ZNF248: variants seen among roughly 807,000 people sequenced by gnomAD.
ZNF248 encodes the protein KRAB protein domain.
Under a neutral mutation model 44.3 loss-of-function variants are expected in ZNF248, and 20 were observed. That is an observed-to-expected ratio of 0.45 (90% CI 0.32 to 0.66). The LOEUF (loss-of-function observed/expected upper bound fraction) is 0.66. Among genes scored for constraint, ZNF248 ranks in the 30% least tolerant of loss-of-function variants. The pLI is 0.04. For missense variants in ZNF248, 654 were observed against 677.0 expected (o/e 0.97, Z 0.38); for synonymous variants, 224 against 229.0 (o/e 0.98, Z 0.20).
In ZNF248 at chr10:37,830,190, CTTG is replaced by C. The variant is rs2133848903; in HGVS notation, c.*1422_*1424del. The C allele has an allele frequency of 2.0e-6, 2 of 985,362 alleles. No homozygotes were observed. Among genetic ancestry groups the C allele is most frequent in the Non-Finnish European group, 2.4e-6 (2 of 829,912 alleles). The allele number at this position is 985,362 out of a possible 1,614,324, so 61.0% of individuals were successfully genotyped here. A position where few individuals can be genotyped will look rare whatever the true frequency, so the allele number is the denominator to read the frequency against. Reference sequence around the variant, plus strand: ...CTTTTTGAGGAGTGCAGTGTTACTGCTTGTTAACCTTTGCATAATTTATGTAAA... The same window carrying C: ...CTTTTTGAGGAGTGCAGTGTTACTGCTTAACCTTTGCATAATTTATGTAAA... On this transcript the variant is annotated 3_prime_UTR_variant, in exon 6 of 6. Coordinates refer to ENST00000395867, the MANE Select transcript of ZNF248 (RefSeq NM_021045.3).
intron 6 of ZNF248, among the ~76,000 whole-genome samples, chr10:37,816,248 A>T (rs1377952935): frequency 6.6e-6 from 1 of 152,226 alleles, no homozygotes; most frequent in African/African-American, 2.4e-5. Context: ...GCAATGAGTT[A>T]CAATAGCCGC....
intron 6 of ZNF248, among the ~76,000 whole-genome samples, chr10:37,797,857 T>C (rs2049338437): frequency 6.6e-6 from 1 of 152,148 alleles, no homozygotes; most frequent in Admixed American, 6.5e-5. Context: ...ACATTGTTGA[T>C]TAGAATGCAA....
chr10:37,793,283 C>T (rs1031732961), intron 6 of ZNF248, among the ~76,000 whole-genome samples: 10 of 151,992 alleles, frequency 6.6e-5, no homozygotes, highest in East Asian at 1.9e-4. Flanking sequence ...TGCAGTGAGC[C>T]GAGATCACGC....
At chr10:37,817,623 G>T (rs1227742459) in intron 6 of ZNF248, among the ~76,000 whole-genome samples, 1 of 152,046 alleles carries the variant, frequency 6.6e-6, no homozygotes, top group South Asian at 2.1e-4. Flanking sequence ...ACATTGCCAC[G>T]TACTTGCTAA....
rs2055181551 is a variant in ZNF248, at chr10:37,829,966, G to A, written c.*1649C>T. On this transcript the variant is annotated 3_prime_UTR_variant, in exon 6 of 6. Coordinates refer to ENST00000395867, the MANE Select transcript of ZNF248 (RefSeq NM_021045.3). The stretch of plus-strand genomic sequence containing the variant: ...ATTTAGCTCAGCAAGGATGAAGTAG[G>A]GAATGGCCATCATGTGGGCAGTGTC... 1 of 985,242 alleles carries A rather than the reference G, an allele frequency of 1.0e-6. No individual in the cohort carries two copies. Among genetic ancestry groups the A allele is most frequent in the African/African-American group, 1.7e-5 (1 of 57,222 alleles). 61.0% of individuals were successfully genotyped at this position (985,242 alleles called of 1,614,324 possible).
chr10:37,811,407 T>C (rs539178569), intron 6 of ZNF248, among the ~76,000 whole-genome samples: 49 of 151,968 alleles, frequency 3.2e-4, no homozygotes, highest in African/African-American at 1.2e-3. Context: ...AATAGTGAAG[T>C]TATATGACAA....
intron 6 of ZNF248, among the ~76,000 whole-genome samples, chr10:37,801,903 C>A (rs1328536550): frequency 6.6e-6 from 1 of 152,224 alleles, no homozygotes; most frequent in Non-Finnish European, 1.5e-5. Context: ...CACTGAAAAA[C>A]TGTCCACTTG....
At chr10:37,825,323 T>C (rs1326874654), downstream of ZNF248, among the ~76,000 whole-genome samples, 2 of 152,088 alleles carry the variant, frequency 1.3e-5, no homozygotes, top group Admixed American at 6.6e-5. Context: ...CTGTAGAAAA[T>C]TTAGAAACTA....
At chr10:37,771,597 G>C (rs1385517864), downstream of ZNF248, among the ~76,000 whole-genome samples, 1 of 145,616 alleles carries the variant, frequency 6.9e-6, no homozygotes, top group Non-Finnish European at 1.5e-5. Flanking sequence ...ACACAGGAAG[G>C]AGAACATCAC....
chr10:37,816,438 T>C (rs1295685921), intron 6 of ZNF248, among the ~76,000 whole-genome samples: 2 of 152,188 alleles, frequency 1.3e-5, no homozygotes, highest in Non-Finnish European at 2.9e-5. Flanking sequence ...GCCACTACCA[T>C]GCTCAGAGCT....
chr10:37,820,129 C>A, intron 6 of ZNF248: 1 of 1,037,390 alleles, frequency 9.6e-7, no homozygotes, highest in Non-Finnish European at 1.5e-6. Context: ...ACAGTTGGCT[C>A]TTAATAAATC....
At chr10:37,783,346 T>C (rs1238379796) in intron 6 of ZNF248, among the ~76,000 whole-genome samples, 1 of 152,174 alleles carries the variant, frequency 6.6e-6, no homozygotes, top group African/African-American at 2.4e-5. Context: ...ACCCCTCTCA[T>C]ACCATATACA....
downstream of ZNF248, among the ~76,000 whole-genome samples, chr10:37,772,068 C>A (rs1384349752): frequency 1.3e-5 from 2 of 152,110 alleles, no homozygotes; most frequent in Non-Finnish European, 1.5e-5. Context: ...AGTTCGAGAC[C>A]AGCATGACCA....
chr10:37,775,484 G>A (rs2046517629), downstream of ZNF248: 1 of 152,070 alleles, frequency 6.6e-6, no homozygotes, highest in Non-Finnish European at 1.5e-5. Context: ...AAAAACTGCT[G>A]CCCACCAACT....
chr10:37,782,144 C>T (rs1412685282), intron 6 of ZNF248, among the ~76,000 whole-genome samples: 1 of 152,140 alleles, frequency 6.6e-6, no homozygotes, highest in Non-Finnish European at 1.5e-5. Flanking sequence ...AGTCAATCTA[C>T]CAAGAGTATG....
chr10:37,837,875 G>T, intron 4 of ZNF248, 110 bp downstream of exon 4: 1 of 1,453,768 alleles, frequency 6.9e-7, no homozygotes, highest in Non-Finnish European at 9.4e-7. Flanking sequence ...TGGCCAAATG[G>T]GATCAGTCAT....
chr10:37,767,462 C>T, the ZNF248 span, among the ~76,000 whole-genome samples: 9,111 of 152,192 alleles, frequency 0.06, 353 homozygotes, highest in Middle Eastern at 0.095. Context: ...GGAGTGGGGG[C>T]CAATATTCAA....
chr10:37,830,380 GTTCT>G lies in ZNF248; in HGVS notation c.*1231_*1234del. 1.0e-6 allele frequency: 1 copy of G among 985,372 alleles called. No individual in the cohort carries two copies. The allele number at this position is 985,372 out of a possible 1,614,324, so 61.0% of individuals were successfully genotyped here. On this transcript the variant is annotated 3_prime_UTR_variant, in exon 6 of 6. Transcript: ENST00000395867. ...AGTCAGAGGAAAGGTACGTGATATA[GTTCT>G]TTGTGAAATAATATTTCACTAAAAA...
chr10:37,838,009 T>C lies in ZNF248; in HGVS notation c.118A>G (p.Asn40Asp). Residue 40 changes from asparagine (N) to aspartate (D), a missense_variant, in exon 4 of 6, where the codon AAT becomes GAT. Coordinates refer to ENST00000395867, the MANE Select transcript of ZNF248 (RefSeq NM_021045.3). ...CCTACTGAGACAAGATTGCTATAAT[T>C]TTCCAGGATCACATCTCTGTATAGA... ...KILYRDVILE[N>D]YSNLVSVGYC... 1.9e-6 allele frequency: 3 copies of C among 1,613,658 alleles called. No individual in the cohort carries two copies. The highest frequency in any genetic ancestry group is 2.2e-5 in the East Asian group (1 of 44,862).
Sources: gnomAD v4.1 joint callset for allele counts (sites outside exome capture counted in the v4.1 genomes callset) on GRCh38, gnomAD v4.1.1 for gene constraint, MANE v1.5 for transcripts, NCBI Gene and HGNC (gene_info 2026-07-23, HGNC 2026-07-21) for gene names.